The following ZNF718 variants were observed in gnomAD, a reference collection of about 807,000 sequenced individuals.
ZNF718 encodes the protein zinc finger protein 718.
ZNF718 carries 3 observed loss-of-function variants against 2.6 expected under a neutral mutation model. The observed-to-expected ratio is 1.16, with a 90% CI of 0.53 to 3.01. The LOEUF is 3.01. Among genes scored for constraint, ZNF718 ranks in the 30% most tolerant of loss-of-function variants. ZNF718 has a pLI of 0.03. For missense variants in ZNF718, 468 were observed against 230.0 expected, an observed-to-expected ratio of 2.03 and a Z score of -6.69; for synonymous variants, 135 against 77.9, an observed-to-expected ratio of 1.73 and a Z score of -3.86.
chr4:192,069 C>T (rs1378043453), intron 3 of ZNF718, among the ~76,000 whole-genome samples: 5 of 152,162 alleles, frequency 3.3e-5, no homozygotes, highest in Non-Finnish European at 5.9e-5. Context: ...TGGCAATGGG[C>T]ACCTCACTGG....
chr4:196,630 C>G (rs190091386), intron 3 of ZNF718, among the ~76,000 whole-genome samples: 1 of 152,086 alleles, frequency 6.6e-6, no homozygotes, highest in Non-Finnish European at 1.5e-5. Flanking sequence ...CTGGCTGCAC[C>G]GTGATCTCAA....
At chr4:146,648 A>C (rs142646910) in intron 3 of ZNF718, among the ~76,000 whole-genome samples, 7 of 152,154 alleles carry the variant, frequency 4.6e-5, no homozygotes, top group African/African-American at 1.7e-4. Context: ...TCTCTTTTGA[A>C]CCTCCTAAAA....
At chr4:173,680 C>A (rs114909636) in intron 3 of ZNF718, among the ~76,000 whole-genome samples, 2,671 of 152,226 alleles carry the variant, frequency 0.018, 80 homozygotes, top group African/African-American at 0.061. Context: ...CCACCTACTA[C>A]AAAAGTAGCT....
chr4:156,255 A>G (rs1405190193), intron 3 of ZNF718, among the ~76,000 whole-genome samples: 2 of 122,920 alleles, frequency 1.6e-5, no homozygotes, highest in African/African-American at 6.2e-5. Flanking sequence ...CTCTGTGTTT[A>G]TCTGTATTTG....
intron 1 of ZNF718, among the ~76,000 whole-genome samples, chr4:125,796 C>T (rs782149750): frequency 2.6e-5 from 4 of 152,266 alleles, no homozygotes; most frequent in Non-Finnish European, 5.9e-5. Flanking sequence ...CGCACGGCCA[C>T]ACCTGGCCTA....
intron 3 of ZNF718, among the ~76,000 whole-genome samples, chr4:154,347 G>A (rs1553813197): frequency 6.6e-6 from 1 of 152,174 alleles, no homozygotes. Flanking sequence ...TCTGGAACTG[G>A]GTAACAGGCA....
In ZNF718 at chr4:152,744, G is replaced by C. The variant is rs181386847; in HGVS notation, c.227-8168G>C. 9.7e-4 allele frequency among the ~76,000 whole-genome samples: 147 copies of C among 152,154 alleles called. 1 individual carries two copies. The highest frequency in any genetic ancestry group is 8.3e-3 in the South Asian group (40 of 4,826). Reference sequence around the variant, plus strand: ...GCTGGGATTACAGGCATGAGCCACCGTGCCTGGCTGTGATGTGATATTTTA... The same window carrying C: ...GCTGGGATTACAGGCATGAGCCACCCTGCCTGGCTGTGATGTGATATTTTA... On this transcript the variant is annotated intron_variant, in intron 3 of 3. Coordinates refer to ENST00000510175, the MANE Select transcript of ZNF718 (RefSeq NM_001039127.6).
chr4:198,354 A>G (rs1428248877), intron 3 of ZNF718, among the ~76,000 whole-genome samples: 1 of 152,110 alleles, frequency 6.6e-6, no homozygotes, highest in Admixed American at 6.6e-5. Flanking sequence ...GATTGCTGCC[A>G]ATTGAGGCTT....
In ZNF718 at chr4:151,391, C is replaced by G. The variant is rs537550589; in HGVS notation, c.227-9521C>G. The stretch of plus-strand genomic sequence containing the variant: ...AAAGTGCTAGGATTACAGGCATGAG[C>G]CACCAAGCCCAGGCAGTCTTTTCAA... On this transcript the variant is annotated intron_variant, in intron 3 of 3. Coordinates refer to ENST00000510175, the MANE Select transcript of ZNF718 (RefSeq NM_001039127.6). Among the ~76,000 whole-genome samples, 18 of 152,242 alleles carry G rather than the reference C, an allele frequency of 1.2e-4. No individual in the cohort carries two copies. The South Asian group carries it at 3.7e-3, about 32-fold the overall frequency.
intron 3 of ZNF718, among the ~76,000 whole-genome samples, chr4:189,185 C>T (rs553472137): frequency 4.6e-5 from 7 of 151,608 alleles, no homozygotes; most frequent in African/African-American, 7.3e-5. Flanking sequence ...CTCAACCTCC[C>T]GAGAAGCTGG....
At chr4:142,985 G>T (rs1265036228) in intron 3 of ZNF718, among the ~76,000 whole-genome samples, 1 of 152,098 alleles carries the variant, frequency 6.6e-6, no homozygotes, top group Non-Finnish European at 1.5e-5. Context: ...GGTTTTAAAT[G>T]CTTGCATGCA....
Position 130,190 on chromosome 4 carries a change from G to T in ZNF718, c.4-598G>T, listed in dbSNP as rs1483893480. On this transcript the variant is annotated intron_variant, in intron 1 of 3. Transcript: ENST00000510175. ...AGTGGTATAATGGGTCTAGGGGGAG[G>T]AGTGTCAGCAATAAGAAGACTTGCA... Among the ~76,000 whole-genome samples, 5 of 103,852 alleles carry T rather than the reference G, an allele frequency of 4.8e-5. 2 individuals are homozygous for T. Among genetic ancestry groups the T allele is most frequent in the Non-Finnish European group, 1.1e-4 (5 of 46,706 alleles). 68.1% of individuals were successfully genotyped at this position (103,852 alleles called of 152,430 possible). A position where few individuals can be genotyped will look rare whatever the true frequency, so the allele number is the denominator to read the frequency against.
intron 3 of ZNF718, among the ~76,000 whole-genome samples, chr4:190,653 T>C (rs557825312): frequency 6.6e-6 from 1 of 152,246 alleles, no homozygotes. Flanking sequence ...CCTAGAATAC[T>C]GAGCAGAATT....
At chr4:155,936 G>A (rs76165345) in intron 3 of ZNF718, among the ~76,000 whole-genome samples, 1,935 of 152,184 alleles carry the variant, frequency 0.013, 47 homozygotes, top group African/African-American at 0.044. Flanking sequence ...TCAGGGCAGT[G>A]GTTTTTCCCA....
At chr4:199,262 C>T (rs1268268408) in intron 3 of ZNF718, among the ~76,000 whole-genome samples, 1 of 152,216 alleles carries the variant, frequency 6.6e-6, no homozygotes, top group Non-Finnish European at 1.5e-5. Context: ...CCCCTGTACC[C>T]TTCACATTCT....
chr4:169,147 A>G (rs1717164162), downstream of ZNF718, among the ~76,000 whole-genome samples: 1 of 152,080 alleles, frequency 6.6e-6, no homozygotes, highest in Non-Finnish European at 1.5e-5. Flanking sequence ...TTCAGTTTCC[A>G]TGTAGTTGAG....
intron 3 of ZNF718, among the ~76,000 whole-genome samples, chr4:192,145 G>A (rs1553821325): frequency 6.6e-6 from 1 of 152,162 alleles, no homozygotes; most frequent in South Asian, 2.1e-4. Context: ...GTCTGCGATG[G>A]TGGTGATCAG....
At chr4:139,446 C>G (rs1418612583) in intron 3 of ZNF718, among the ~76,000 whole-genome samples, 1 of 152,216 alleles carries the variant, frequency 6.6e-6, no homozygotes, top group Non-Finnish European at 1.5e-5. Flanking sequence ...TCACACTTCA[C>G]CTTTCCATAG....
intron 3 of ZNF718, among the ~76,000 whole-genome samples, chr4:144,682 C>G (rs1483711530): frequency 2.6e-5 from 4 of 152,044 alleles, no homozygotes; most frequent in Non-Finnish European, 4.4e-5. Context: ...TAATTTCTTG[C>G]ATCGATGTTT....
Sources: allele counts gnomAD v4.1 joint callset (sites outside exome capture counted in the v4.1 genomes callset), GRCh38; gene constraint gnomAD v4.1.1; transcripts MANE v1.5; gene names NCBI Gene and HGNC (gene_info 2026-07-23, HGNC 2026-07-21).